Variants in MMP16 observed in about 807,000 individuals in gnomAD.
MMP16 encodes the protein matrix metallopeptidase 16.
Under a neutral mutation model 67.8 loss-of-function variants are expected in MMP16, and 12 were observed. The observed-to-expected ratio is 0.18, with a 90% CI of 0.11 to 0.29. The LOEUF (loss-of-function observed/expected upper bound fraction) is 0.29, where lower values mean the gene tolerates loss of function less well. Ranked by LOEUF, MMP16 falls within the 10% of genes least tolerant of loss-of-function variation. The pLI, the probability that MMP16 is intolerant of heterozygous loss-of-function variation, is 1.00. For synonymous variants in MMP16, 249 were observed against 255.9 expected (o/e 0.97, Z 0.26); for missense variants, 475 against 765.7 (o/e 0.62, Z 4.48).
intron 1 of MMP16, among the ~76,000 whole-genome samples, chr8:88,301,031 C>G (rs2130042488): frequency 6.6e-6 from 1 of 152,260 alleles, no homozygotes; most frequent in South Asian, 2.1e-4. Context: ...GAGCAGGGAT[C>G]ACTTAAATCT....
At chr8:88,189,861 G>A (rs1020142450) in intron 2 of MMP16, among the ~76,000 whole-genome samples, 1 of 152,248 alleles carries the variant, frequency 6.6e-6, no homozygotes, top group African/African-American at 2.4e-5. Flanking sequence ...GTATGTGTCT[G>A]TCTCTATCTA....
At chr8:88,116,387 TGAAC>T in intron 6 of MMP16, 116 bp downstream of exon 6, 11 of 847,710 alleles carry the variant, frequency 1.3e-5, no homozygotes, top group Admixed American at 2.9e-5. Context: ...ATGCTTTTTT[TGAAC>T]TTTCTAACTG....
At chr8:88,126,810 T>C (rs1046778604) in intron 4 of MMP16, among the ~76,000 whole-genome samples, 7 of 151,946 alleles carry the variant, frequency 4.6e-5, no homozygotes, top group Non-Finnish European at 7.4e-5. Flanking sequence ...ATTGGTAAAG[T>C]GGGTGTGACA....
chr8:88,118,544 AT>A (rs1809477334), intron 5 of MMP16, among the ~76,000 whole-genome samples, 155 bp downstream of exon 5: 1 of 152,106 alleles, frequency 6.6e-6, no homozygotes, highest in African/African-American at 2.4e-5. Context: ...TGCCAACAAA[AT>A]TCAGTTGATA....
Position 88,041,461 on chromosome 8 carries a change from T to A in MMP16, c.1824A>T (p.Ter608CysextTer17). The A allele has an allele frequency of 6.2e-7, 1 of 1,604,986 alleles. No individual in the cohort carries two copies. The highest frequency in any genetic ancestry group is 8.5e-7 in the Non-Finnish European group (1 of 1,173,264). Reference protein sequence around the residue: ...YCKRSMQEWV* With the variant: ...YCKRSMQEWVC ...GAAAGAAAGAAGAAAAAACCCTACA[T>A]CACACCCACTCTTGCATAGAGCGTT... Residue 608 changes from the stop codon to cysteine, a stop_lost, in exon 10 of 10, where the codon TGA becomes TGT. Transcript: ENST00000286614. The surrounding 1 kb of genome is among the most constrained non-coding windows in gnomAD (Gnocchi z 6.0).
intron 1 of MMP16, among the ~76,000 whole-genome samples, chr8:88,206,377 T>C (rs1809426970): frequency 6.6e-6 from 1 of 152,176 alleles, no homozygotes; most frequent in Non-Finnish European, 1.5e-5. Context: ...ACTGTTTGTG[T>C]GGAGATTGCA....
chr8:88,188,707 T>A (rs1200331386), intron 2 of MMP16, among the ~76,000 whole-genome samples: 1 of 150,214 alleles, frequency 6.7e-6, no homozygotes. Flanking sequence ...CAGGCTGGAG[T>A]GCAATGGCAC....
chr8:88,209,154 A>G (rs1282753704), intron 1 of MMP16, among the ~76,000 whole-genome samples: 2 of 152,060 alleles, frequency 1.3e-5, no homozygotes, highest in Non-Finnish European at 2.9e-5. Context: ...AAAAGGCAAA[A>G]TAATTAAAAA....
intron 1 of MMP16, among the ~76,000 whole-genome samples, chr8:88,291,386 T>C (rs553783873): frequency 1.3e-5 from 2 of 152,242 alleles, no homozygotes; most frequent in East Asian, 3.9e-4. Flanking sequence ...GAAGCCCAAA[T>C]TAACATAGAA....
At chr8:88,153,544 C>T (rs939186941) in intron 4 of MMP16, among the ~76,000 whole-genome samples, 3 of 152,034 alleles carry the variant, frequency 2.0e-5, no homozygotes, top group Non-Finnish European at 2.9e-5. Context: ...CAGAACAGAG[C>T]CCTCAGAAAT....
chr8:88,302,590 AAAG>A (rs1811120716), intron 1 of MMP16, among the ~76,000 whole-genome samples: 1 of 152,178 alleles, frequency 6.6e-6, no homozygotes, highest in Non-Finnish European at 1.5e-5. Context: ...ATAACAGAGA[AAAG>A]AAGGGGATGA....
chr8:88,046,816 C>G lies in MMP16; in HGVS notation c.1374-32G>C, dbSNP rs748881258. The G allele has an allele frequency of 9.8e-6, 13 of 1,332,136 alleles. No homozygotes were observed. The Admixed American group carries it at 1.6e-4, about 17-fold the overall frequency. The allele number at this position is 1,332,136 out of a possible 1,614,324, so 82.5% of individuals were successfully genotyped here. A position where few individuals can be genotyped will look rare whatever the true frequency, so the allele number is the denominator to read the frequency against. ...AGGATAAAAACAACAACAACAAACA[C>G]AATAACACACATATAGGGAAAGATT... On this transcript the variant is annotated intron_variant, in intron 8 of 9. Coordinates refer to ENST00000286614, the MANE Select transcript of MMP16 (RefSeq NM_005941.5).
chr8:88,048,424 T>C (rs1355342761), intron 8 of MMP16, among the ~76,000 whole-genome samples: 1 of 139,094 alleles, frequency 7.2e-6, no homozygotes, highest in Non-Finnish European at 1.5e-5. Flanking sequence ...AATAAGTTTA[T>C]ATTTTGAATG....
chr8:88,317,060 G>C (rs1811385689), intron 1 of MMP16, among the ~76,000 whole-genome samples: 1 of 152,200 alleles, frequency 6.6e-6, no homozygotes, highest in South Asian at 2.1e-4. Context: ...TTCTAGAGAT[G>C]ACATCTACTC....
In MMP16 at chr8:88,327,280, T is replaced by C. The variant is rs1811556306; in HGVS notation, c.-74A>G. 1.9e-6 allele frequency: 3 copies of C among 1,590,270 alleles called. No homozygotes were observed. Among genetic ancestry groups the C allele is most frequent in the Non-Finnish European group, 2.6e-6 (3 of 1,164,674 alleles). ...TCTCTCCCTCTCCCTCCCTCCCTCG[T>C]TTCCTTTCAAAAAAAAGTCCTCCGG... On this transcript the variant is annotated 5_prime_UTR_variant, in exon 1 of 10. Coordinates refer to ENST00000286614, the MANE Select transcript of MMP16 (RefSeq NM_005941.5).
At chr8:88,112,845 A>G (rs1209647417) in intron 6 of MMP16, among the ~76,000 whole-genome samples, 1 of 151,876 alleles carries the variant, frequency 6.6e-6, no homozygotes, top group Non-Finnish European at 1.5e-5. Flanking sequence ...AAGTCCTATT[A>G]TAAAGAAAGG....
intron 4 of MMP16, among the ~76,000 whole-genome samples, chr8:88,140,547 C>T (rs967062856): frequency 4.6e-5 from 7 of 151,990 alleles, no homozygotes; most frequent in Non-Finnish European, 1.0e-4. Flanking sequence ...GCCTTAAACT[C>T]AAATTATAAT....
chr8:88,087,491 T>C (rs1014771180), intron 6 of MMP16, among the ~76,000 whole-genome samples: 6 of 151,752 alleles, frequency 4.0e-5, no homozygotes, highest in Admixed American at 2.0e-4. Flanking sequence ...TGATATGACA[T>C]AGGAAGAGGG....
chr8:88,317,086 T>C (rs1294122820), intron 1 of MMP16, among the ~76,000 whole-genome samples: 1 of 152,192 alleles, frequency 6.6e-6, no homozygotes, highest in African/African-American at 2.4e-5. Context: ...GAAGAAGCTA[T>C]GAACACTGTT....
Sources: allele counts gnomAD v4.1 joint callset (sites outside exome capture counted in the v4.1 genomes callset), GRCh38; gene constraint gnomAD v4.1.1; non-coding constraint Gnocchi (gnomAD v3.1); transcripts MANE v1.5; gene names NCBI Gene and HGNC (gene_info 2026-07-23, HGNC 2026-07-21).